The following MAN2A1 variants were observed in gnomAD, a reference collection of about 807,000 sequenced individuals.
MAN2A1 encodes the protein mannosidase alpha class 2A member 1.
In MAN2A1, 76 loss-of-function variants were observed where a neutral mutation model predicts 142.6. That is an observed-to-expected ratio of 0.53 (90% CI 0.44 to 0.65). MAN2A1 has a LOEUF of 0.65. MAN2A1 is among the 30% of genes least tolerant of loss of function. The probability of loss-of-function intolerance (pLI) is 0.00; values close to 1 mark genes in which losing one functional copy is unlikely to be tolerated. For synonymous variants in MAN2A1, 559 were observed against 473.2 expected, an observed-to-expected ratio of 1.18 and a Z score of -2.35; for missense variants, 1,311 against 1,365.1, an observed-to-expected ratio of 0.96 and a Z score of 0.62.
chr5:109,803,666 A>T (rs959150937), intron 12 of MAN2A1, among the ~76,000 whole-genome samples: 6 of 152,108 alleles, frequency 3.9e-5, no homozygotes, highest in African/African-American at 1.4e-4. Flanking sequence ...AATAATTTCT[A>T]GTTAAGATAT....
rs558376525 is a variant in MAN2A1, at chr5:109,749,891, C to T, written c.708-5438C>T. Among the ~76,000 whole-genome samples the T allele has an allele frequency of 3.9e-5, 6 of 151,998 alleles. No homozygotes were observed. In the South Asian group the frequency reaches 8.3e-4, roughly 21 times the overall value. On this transcript the variant is annotated intron_variant, in intron 4 of 21. Coordinates refer to ENST00000261483, the MANE Select transcript of MAN2A1 (RefSeq NM_002372.4). ...TTCTAAGTAAATTTTTTTATAGATA[C>T]GGGTATTTCTCATTACTTTTAAAAA...
chr5:109,766,119 T>C (rs1168264825), intron 5 of MAN2A1, among the ~76,000 whole-genome samples: 1 of 152,090 alleles, frequency 6.6e-6, no homozygotes, highest in Non-Finnish European at 1.5e-5. Flanking sequence ...GTATCTATAT[T>C]TTTATATTTC....
intron 20 of MAN2A1, among the ~76,000 whole-genome samples, chr5:109,858,636 T>C (rs909544334): frequency 6.6e-6 from 1 of 152,216 alleles, no homozygotes; most frequent in African/African-American, 2.4e-5. Flanking sequence ...GAAGTCTGCA[T>C]TGGCCTGTAT....
intron 2 of MAN2A1, among the ~76,000 whole-genome samples, chr5:109,714,256 C>T (rs549529409): frequency 1.3e-3 from 191 of 151,826 alleles, no homozygotes; most frequent in Non-Finnish European, 2.3e-3. Context: ...TATGGAAGCC[C>T]CTGTCTGCGT....
intron 20 of MAN2A1, 180 bp from the exon 21 acceptor site, chr5:109,864,856 G>C (rs987695016): frequency 1.7e-5 from 10 of 603,806 alleles, no homozygotes; most frequent in Middle Eastern, 2.7e-4. Flanking sequence ...AGTACAAGTA[G>C]GAGAGAATGG....
At chr5:109,745,147 C>T (rs1232091981) in intron 4 of MAN2A1, among the ~76,000 whole-genome samples, 1 of 151,968 alleles carries the variant, frequency 6.6e-6, no homozygotes, top group Non-Finnish European at 1.5e-5. Context: ...AGGGAACTCT[C>T]TGAATTGGTG....
chr5:109,806,152 A>G (rs910674072), intron 12 of MAN2A1, among the ~76,000 whole-genome samples: 2 of 152,108 alleles, frequency 1.3e-5, no homozygotes, highest in African/African-American at 4.8e-5. Flanking sequence ...GGGGAGGGTA[A>G]TGGGATTCTG....
intron 17 of MAN2A1, among the ~76,000 whole-genome samples, chr5:109,842,885 A>T (rs1158719677): frequency 7.0e-6 from 1 of 143,494 alleles, no homozygotes; most frequent in East Asian, 2.2e-4. Flanking sequence ...AGCTCACTGC[A>T]GCCTCTTACT....
At chr5:109,704,265 G>A (rs1866372) in intron 1 of MAN2A1, among the ~76,000 whole-genome samples, 26,298 of 152,186 alleles carry the variant, frequency 0.17, 3,230 homozygotes, top group East Asian at 0.64. Flanking sequence ...ACCTAGGCAG[G>A]TGTGAGATTT....
At chr5:109,736,442 A>T (rs951372337) in intron 4 of MAN2A1, among the ~76,000 whole-genome samples, 1 of 152,126 alleles carries the variant, frequency 6.6e-6, no homozygotes, top group Non-Finnish European at 1.5e-5. Flanking sequence ...AACTGAACCC[A>T]AGAATTGGAG....
In MAN2A1 at chr5:109,752,738, A is replaced by T. The variant is rs115643320; in HGVS notation, c.708-2591A>T. On this transcript the variant is annotated intron_variant, in intron 4 of 21. Transcript: ENST00000261483. ...ATAAATGCTGGAAAACATTTTAATA[A>T]GTGGGAAGTTTTTCATGCCTCCTCA... Among the ~76,000 whole-genome samples, 446 of 152,332 alleles carry T rather than the reference A, an allele frequency of 2.9e-3. 3 individuals are homozygous for T. The highest frequency in any genetic ancestry group is 0.022 in the South Asian group (108 of 4,832).
At chr5:109,827,719 C>G (rs1289393954) in intron 16 of MAN2A1, among the ~76,000 whole-genome samples, 1 of 152,134 alleles carries the variant, frequency 6.6e-6, no homozygotes, top group Non-Finnish European at 1.5e-5. Context: ...GTTCAGACAT[C>G]GCATTCAAAA....
At chr5:109,725,290 G>T (rs1486058458) in intron 3 of MAN2A1, among the ~76,000 whole-genome samples, 2 of 152,240 alleles carry the variant, frequency 1.3e-5, no homozygotes, top group African/African-American at 4.8e-5. Context: ...ATATGGTGGT[G>T]TGTATGGGGA....
intron 17 of MAN2A1, 121 bp downstream of exon 17, chr5:109,842,582 C>T: frequency 1.7e-6 from 1 of 595,928 alleles, no homozygotes; most frequent in African/African-American, 1.9e-5. Context: ...CAAATTATAT[C>T]TAAAATAAAA....
intron 12 of MAN2A1, among the ~76,000 whole-genome samples, chr5:109,812,011 C>T (rs180959339): frequency 1.3e-5 from 2 of 152,230 alleles, no homozygotes; most frequent in Non-Finnish European, 1.5e-5. Context: ...TTTGTTAAAT[C>T]GTTCACTGTA....
At chr5:109,818,127 A>G (rs935922717) in intron 13 of MAN2A1, among the ~76,000 whole-genome samples, 5 of 152,044 alleles carry the variant, frequency 3.3e-5, no homozygotes, top group Admixed American at 1.3e-4. Context: ...AGCTATTGCT[A>G]GCTACTTTTA....
intron 20 of MAN2A1, among the ~76,000 whole-genome samples, chr5:109,857,932 C>T (rs1168990998): frequency 2.6e-5 from 4 of 152,162 alleles, no homozygotes; most frequent in African/African-American, 4.8e-5. Context: ...GCTAATGTCA[C>T]GTATTGCTGT....
chr5:109,741,052 A>C (rs1442167114), intron 4 of MAN2A1, among the ~76,000 whole-genome samples: 1 of 152,194 alleles, frequency 6.6e-6, no homozygotes, highest in East Asian at 1.9e-4. Flanking sequence ...AGGGGACTGC[A>C]GATTAGAATC....
At position 109,842,314 on chromosome 5, in the gene MAN2A1, T is replaced by A. The variant is rs1160888347; in HGVS notation, c.2567-14T>A. The A allele has an allele frequency of 2.0e-6, 3 of 1,484,152 alleles. No homozygotes were observed. Among genetic ancestry groups the A allele is most frequent in the South Asian group, 1.3e-5 (1 of 78,774 alleles). The allele number at this position is 1,484,152 out of a possible 1,614,324, so 91.9% of individuals were successfully genotyped here. ...TTTCTTTCTATTAATCCATATATAT[T>A]TTTTTAAATTTAGGAATAGAAGGAC... On this transcript the variant is annotated splice_polypyrimidine_tract_variant and intron_variant, in intron 16 of 21. Coordinates refer to ENST00000261483, the MANE Select transcript of MAN2A1 (RefSeq NM_002372.4).
Sources: gnomAD v4.1 joint callset for allele counts (sites outside exome capture counted in the v4.1 genomes callset) on GRCh38, gnomAD v4.1.1 for gene constraint, MANE v1.5 for transcripts, NCBI Gene and HGNC (gene_info 2026-07-23, HGNC 2026-07-21) for gene names.